ERC1: variants seen among roughly 807,000 people sequenced by gnomAD.
ERC1 encodes RAB6 interacting protein 2.
Under a neutral mutation model 132.0 loss-of-function variants are expected in ERC1, and 56 were observed. The observed-to-expected ratio is 0.42, with a 90% CI of 0.34 to 0.53. The LOEUF (loss-of-function observed/expected upper bound fraction) is 0.53. ERC1 is among the 20% of genes least tolerant of loss of function. The pLI, the probability that ERC1 is intolerant of heterozygous loss-of-function variation, is 0.03. For missense variants in ERC1, 1,202 were observed against 1,349.9 expected, an observed-to-expected ratio of 0.89 and a Z score of 1.72; for synonymous variants, 478 against 476.1, an observed-to-expected ratio of 1.00 and a Z score of -0.05.
chr12:1,300,393 C>T (rs1483850342), intron 15 of ERC1, among the ~76,000 whole-genome samples: 2 of 151,716 alleles, frequency 1.3e-5, no homozygotes, highest in East Asian at 1.9e-4. Context: ...ATACCATGGG[C>T]GCGGGCAAGG....
At chr12:1,231,145 ATT>A (rs60323949) in intron 12 of ERC1, among the ~76,000 whole-genome samples, 9 of 146,958 alleles carry the variant, frequency 6.1e-5, no homozygotes, top group African/African-American at 1.7e-4. Context: ...TTCTGATTTG[ATT>A]TTTTTTTTTG....
In ERC1 at chr12:1,329,251, G is replaced by A. The variant is rs530041443; in HGVS notation, c.2780+39239G>A. The stretch of plus-strand genomic sequence containing the variant: ...GGAGGTTGGAGTGAGCCAAGATCAC[G>A]CCACTGCACTTCAGCTTGGGCGACA... On this transcript the variant is annotated intron_variant, in intron 15 of 18. Transcript: ENST00000360905. Among the ~76,000 whole-genome samples, 19 of 142,384 alleles carry A rather than the reference G, an allele frequency of 1.3e-4. 2 individuals are homozygous for A. The highest frequency in any genetic ancestry group is 4.6e-4 in the South Asian group (2 of 4,358). The allele number at this position is 142,384 out of a possible 152,430, so 93.4% of individuals were successfully genotyped here. A position where few individuals can be genotyped will look rare whatever the true frequency, so the allele number is the denominator to read the frequency against.
In ERC1 at chr12:1,320,012, G is replaced by A. The variant is rs181906048; in HGVS notation, c.2780+30000G>A. 3.7e-4 allele frequency among the ~76,000 whole-genome samples: 57 copies of A among 152,202 alleles called. 1 individual carries two copies. Among genetic ancestry groups the A allele is most frequent in the African/African-American group, 1.4e-3 (57 of 41,550 alleles). On this transcript the variant is annotated intron_variant, in intron 15 of 18. Coordinates refer to ENST00000360905, the MANE Select transcript of ERC1 (RefSeq NM_178040.4). ...ATATTTCAGTGGAAGAATATTCATG[G>A]TTATTTTTTAAAGTCAGCATAAAGA...
intron 12 of ERC1, among the ~76,000 whole-genome samples, chr12:1,226,237 G>T (rs1416428348): frequency 6.6e-6 from 1 of 152,164 alleles, no homozygotes; most frequent in Non-Finnish European, 1.5e-5. Context: ...CTCATCATCT[G>T]TGTCATTAAT....
Position 1,383,507 on chromosome 12 carries a change from G to T in ERC1, c.2925+11530G>T, listed in dbSNP as rs1312448352. Among the ~76,000 whole-genome samples the T allele has an allele frequency of 2.6e-5, 4 of 152,244 alleles. No individual in the cohort carries two copies. The East Asian group carries it at 7.7e-4, about 29-fold the overall frequency. ...GAATTAGACAAGTGTGGTGGCATGC[G>T]CCTGTAATCTCAGCTACTCAGGAGG... On this transcript the variant is annotated intron_variant, in intron 16 of 18. Coordinates refer to ENST00000360905, the MANE Select transcript of ERC1 (RefSeq NM_178040.4).
At chr12:1,372,079 T>G in intron 16 of ERC1, 102 bp downstream of exon 16, 8 of 1,323,886 alleles carry the variant, frequency 6.0e-6, no homozygotes, top group African/African-American at 1.5e-5. Context: ...TGTTTCATAT[T>G]AGACATCTGA....
At chr12:1,424,025 T>G (rs1013954589) in intron 17 of ERC1, among the ~76,000 whole-genome samples, 7 of 151,998 alleles carry the variant, frequency 4.6e-5, no homozygotes, top group African/African-American at 1.7e-4. Flanking sequence ...TGGTTTCGTG[T>G]GTGTATGTAC....
chr12:1,153,489 T>A (rs1951023262), intron 8 of ERC1, among the ~76,000 whole-genome samples: 1 of 152,206 alleles, frequency 6.6e-6, no homozygotes, highest in Non-Finnish European at 1.5e-5. Flanking sequence ...CTTTTAAAAT[T>A]AGAGACAAAA....
Position 1,141,532 on chromosome 12 carries a change from TCTTTATAAC to T in ERC1, c.1570-78_1570-70del. 3 of 1,102,712 alleles carry T rather than the reference TCTTTATAAC, an allele frequency of 2.7e-6. No individual in the cohort carries two copies. The South Asian group carries it at 6.2e-5, about 23-fold the overall frequency. The allele number at this position is 1,102,712 out of a possible 1,614,324, so 68.3% of individuals were successfully genotyped here. A position where few individuals can be genotyped will look rare whatever the true frequency, so the allele number is the denominator to read the frequency against. On this transcript the variant is annotated intron_variant, in intron 7 of 18. Transcript: ENST00000360905. Reference sequence around the variant, plus strand: ...TTTTATAGAATAACAAAACTCAACCTCTTTATAACCTTTATAACATATCTATTTGAAAGG... The same window carrying T: ...TTTTATAGAATAACAAAACTCAACCTCTTTATAACATATCTATTTGAAAGG...
chr12:1,438,415 G>C (rs920422786), intron 17 of ERC1, among the ~76,000 whole-genome samples: 3 of 152,164 alleles, frequency 2.0e-5, no homozygotes, highest in African/African-American at 7.2e-5. Context: ...AGTCTATGTT[G>C]AGAGACAGCA....
chr12:1,448,404 G>A (rs528309536), intron 18 of ERC1, among the ~76,000 whole-genome samples: 62 of 152,280 alleles, frequency 4.1e-4, no homozygotes, highest in Non-Finnish European at 7.4e-4. Context: ...AACCCATTTC[G>A]TGCTTCCTTA....
chr12:1,084,670 ATTTTT>A (rs11378427), intron 3 of ERC1, among the ~76,000 whole-genome samples: 1 of 149,356 alleles, frequency 6.7e-6, no homozygotes. Context: ...GCTTCCAGTC[ATTTTT>A]TTTTTATTTT....
At chr12:1,063,070 T>G (rs1435701550) in intron 2 of ERC1, among the ~76,000 whole-genome samples, 1 of 152,162 alleles carries the variant, frequency 6.6e-6, no homozygotes, top group Non-Finnish European at 1.5e-5. Context: ...TCCTTCATTT[T>G]CTTTTTTTTT....
intron 16 of ERC1, among the ~76,000 whole-genome samples, chr12:1,388,407 A>G (rs1361535623): frequency 6.6e-6 from 1 of 151,488 alleles, no homozygotes; most frequent in African/African-American, 2.4e-5. Context: ...GCTCTTAGGC[A>G]GAGGGATCAT....
At chr12:1,016,635 C>CTTTT (rs397967271) in intron 1 of ERC1, among the ~76,000 whole-genome samples, 2 of 128,076 alleles carry the variant, frequency 1.6e-5, no homozygotes, top group Admixed American at 8.1e-5. Flanking sequence ...CTTTTCTTTT[C>CTTTT]TTTTTTTTTT....
chr12:1,083,699 T>A, intron 3 of ERC1, 119 bp downstream of exon 3: 1 of 809,708 alleles, frequency 1.2e-6, no homozygotes, highest in Admixed American at 2.6e-5. Flanking sequence ...GAGAATTTCA[T>A]CCTTTGTATT....
intron 15 of ERC1, among the ~76,000 whole-genome samples, chr12:1,356,220 G>T (rs1344567606): frequency 8.6e-6 from 1 of 116,208 alleles, no homozygotes; most frequent in Admixed American, 8.4e-5. Context: ...AAAAGTGTGT[G>T]TGTGTGTGTG....
intron 14 of ERC1, among the ~76,000 whole-genome samples, chr12:1,284,640 G>C (rs2078922895): frequency 6.6e-6 from 1 of 152,108 alleles, no homozygotes; most frequent in South Asian, 2.1e-4. Flanking sequence ...TTTTAACTGG[G>C]ATGAGATAGT....
At chr12:1,047,278 A>C (rs187961857) in intron 2 of ERC1, among the ~76,000 whole-genome samples, 1 of 152,192 alleles carries the variant, frequency 6.6e-6, no homozygotes. Flanking sequence ...ATAAGGCATA[A>C]GCCCCCCGTC....
Sources: gnomAD v4.1 joint callset for allele counts (sites outside exome capture counted in the v4.1 genomes callset) on GRCh38, gnomAD v4.1.1 for gene constraint, MANE v1.5 for transcripts, NCBI Gene and HGNC (gene_info 2026-07-23, HGNC 2026-07-21) for gene names.